Variants in RBFOX1 observed in about 807,000 individuals in gnomAD.
RBFOX1 encodes the protein RNA binding fox-1 homolog 1, also known as RNA binding protein fox-1 homolog 1.
A neutral mutation model predicts 57.7 loss-of-function variants in RBFOX1; 8 were observed. The observed-to-expected ratio is 0.14, with a 90% CI of 0.08 to 0.25. The LOEUF is 0.25. Ranked by LOEUF, RBFOX1 falls within the 10% of genes least tolerant of loss-of-function variation. The pLI, the probability that RBFOX1 is intolerant of heterozygous loss-of-function variation, is 1.00. For synonymous variants in RBFOX1, 326 were observed against 222.4 expected, an observed-to-expected ratio of 1.47 and a Z score of -4.15; for missense variants, 611 against 548.5, an observed-to-expected ratio of 1.11 and a Z score of -1.14.
At chr16:6,034,759 T>C (rs2095342698) in intron 1 of RBFOX1, among the ~76,000 whole-genome samples, 1 of 152,190 alleles carries the variant, frequency 6.6e-6, no homozygotes, top group South Asian at 2.1e-4. Context: ...TGTTAAGATC[T>C]TTAATTCCAC....
At chr16:6,967,101 A>T (rs961300144) in intron 3 of RBFOX1, among the ~76,000 whole-genome samples, 3 of 152,018 alleles carry the variant, frequency 2.0e-5, no homozygotes, top group Admixed American at 6.6e-5. Context: ...CTATTTGTCT[A>T]TACACTCATT....
At chr16:6,487,146 G>A (rs1176969431) in intron 2 of RBFOX1, among the ~76,000 whole-genome samples, 1 of 70,644 alleles carries the variant, frequency 1.4e-5, no homozygotes, top group African/African-American at 4.4e-5. Flanking sequence ...TGGGGTTTCT[G>A]TGTGTGTGTG....
intron 14 of RBFOX1, among the ~76,000 whole-genome samples, chr16:7,697,041 G>A (rs960505790): frequency 6.6e-6 from 1 of 152,152 alleles, no homozygotes; most frequent in Non-Finnish European, 1.5e-5. Context: ...ACATATTTGG[G>A]ATTTTAACAG....
At chr16:5,500,705 TC>T (rs2043165114) in intron 2 of RBFOX1, among the ~76,000 whole-genome samples, 1 of 152,182 alleles carries the variant, frequency 6.6e-6, no homozygotes, top group Admixed American at 6.5e-5. Context: ...TCAGATATGG[TC>T]CCGTTGGCAA....
At chr16:7,098,849 T>C (rs1389573508) in intron 4 of RBFOX1, among the ~76,000 whole-genome samples, 3 of 152,162 alleles carry the variant, frequency 2.0e-5, no homozygotes, top group African/African-American at 7.2e-5. Context: ...CACAGCTATA[T>C]TCAAAATTTG....
At chr16:6,872,702 T>A (rs2153275357) in intron 3 of RBFOX1, among the ~76,000 whole-genome samples, 1 of 152,348 alleles carries the variant, frequency 6.6e-6, no homozygotes, top group South Asian at 2.1e-4. Context: ...CAGGGTAAGC[T>A]AGATTTAGAG....
chr16:6,859,117 A>ATATATATATATATATATATATATG (rs2058436500), intron 3 of RBFOX1, among the ~76,000 whole-genome samples: 4 of 67,548 alleles, frequency 5.9e-5, no homozygotes, highest in African/African-American at 4.2e-4. Flanking sequence ...AAGTGTATAT[A>ATATATATATATATATATATATATG]TATATATATA....
intron 4 of RBFOX1, among the ~76,000 whole-genome samples, chr16:7,429,686 G>T (rs1447137309): frequency 6.6e-6 from 1 of 152,150 alleles, no homozygotes; most frequent in African/African-American, 2.4e-5. Context: ...CATGGCAAAG[G>T]TAGATAATAT....
intron 4 of RBFOX1, among the ~76,000 whole-genome samples, chr16:7,401,516 G>A (rs997631266): frequency 6.6e-6 from 1 of 152,114 alleles, no homozygotes; most frequent in African/African-American, 2.4e-5. Flanking sequence ...GTAAAAAATA[G>A]AAAAATAAAA....
At chr16:5,573,228 C>G (rs868377215) in intron 2 of RBFOX1, among the ~76,000 whole-genome samples, 3 of 151,960 alleles carry the variant, frequency 2.0e-5, no homozygotes, top group African/African-American at 7.2e-5. Context: ...GTGAGCAATG[C>G]AAAAAGGGAG....
intron 7 of RBFOX1, among the ~76,000 whole-genome samples, chr16:7,590,135 T>C (rs2094364063): frequency 2.0e-5 from 3 of 151,974 alleles, no homozygotes; most frequent in African/African-American, 7.3e-5. Context: ...GGCATGGTGA[T>C]ATACACCTGT....
At chr16:7,406,929 T>C (rs1179876991) in intron 4 of RBFOX1, among the ~76,000 whole-genome samples, 2 of 152,154 alleles carry the variant, frequency 1.3e-5, no homozygotes, top group African/African-American at 4.8e-5. Context: ...ATGCTATCAG[T>C]GTAGCATTTT....
chr16:7,256,339 A>T (rs6500941), intron 4 of RBFOX1, among the ~76,000 whole-genome samples: 102,627 of 152,000 alleles, frequency 0.68, 36,756 homozygotes, highest in African/African-American at 0.92. Flanking sequence ...TGAAGCCACC[A>T]TTCCTACCAG....
At chr16:6,758,724 G>T (rs1478093801) in intron 3 of RBFOX1, among the ~76,000 whole-genome samples, 1 of 152,136 alleles carries the variant, frequency 6.6e-6, no homozygotes, top group Non-Finnish European at 1.5e-5. Context: ...TACATTAAAT[G>T]CTTATATTGA....
At chr16:6,466,511 A>G (rs2153073063) in intron 2 of RBFOX1, among the ~76,000 whole-genome samples, 1 of 152,320 alleles carries the variant, frequency 6.6e-6, no homozygotes, top group East Asian at 1.9e-4. Flanking sequence ...TCCCAGAGCC[A>G]GAATTCAACC....
chr16:6,216,474 C>G (rs548033589), intron 1 of RBFOX1, among the ~76,000 whole-genome samples: 1 of 152,120 alleles, frequency 6.6e-6, no homozygotes, highest in Non-Finnish European at 1.5e-5. Context: ...ATCCGAACTG[C>G]TGTATCGCTG....
chr16:6,174,024 T>C (rs1286902631), intron 1 of RBFOX1, among the ~76,000 whole-genome samples: 3 of 152,304 alleles, frequency 2.0e-5, no homozygotes, highest in Non-Finnish European at 2.9e-5. Context: ...TTCTCAACTC[T>C]GTAGTAGCAG....
At chr16:7,302,134 A>G (rs1220196620) in intron 4 of RBFOX1, among the ~76,000 whole-genome samples, 1 of 152,150 alleles carries the variant, frequency 6.6e-6, no homozygotes, top group Non-Finnish European at 1.5e-5. Context: ...CTAAAGGGTT[A>G]AACATGCTAC....
At chr16:7,233,720 T>C (rs186513764) in intron 4 of RBFOX1, among the ~76,000 whole-genome samples, 1 of 152,220 alleles carries the variant, frequency 6.6e-6, no homozygotes, top group Non-Finnish European at 1.5e-5. Context: ...GTCTTTTATT[T>C]ATGGTATATG....
Sources: gnomAD v4.1 joint callset for allele counts (sites outside exome capture counted in the v4.1 genomes callset) on GRCh38, gnomAD v4.1.1 for gene constraint, MANE v1.5 for transcripts, NCBI Gene and HGNC (gene_info 2026-07-23, HGNC 2026-07-21) for gene names.